FAM117A: variants seen among roughly 807,000 people sequenced by gnomAD.
FAM117A encodes the protein protein FAM117A.
Under a neutral mutation model 44.1 loss-of-function variants are expected in FAM117A, and 21 were observed. That is an observed-to-expected ratio of 0.48 (90% CI 0.34 to 0.69). The LOEUF (loss-of-function observed/expected upper bound fraction) is 0.69. Ranked by LOEUF, FAM117A falls within the 30% of genes least tolerant of loss-of-function variation. The pLI is 0.01. For synonymous variants in FAM117A, 220 were observed against 238.3 expected (o/e 0.92, Z 0.71); for missense variants, 498 against 589.9 (o/e 0.84, Z 1.61).
upstream of FAM117A, among the ~76,000 whole-genome samples, chr17:49,768,021 A>G (rs546031199): frequency 6.6e-5 from 10 of 152,292 alleles, no homozygotes; most frequent in African/African-American, 1.9e-4. Flanking sequence ...TGTTGACTGC[A>G]GCATGCTCTT....
At chr17:49,763,827 CGCGGT>C in intron 1 of FAM117A, 60 bp downstream of exon 1, 8 of 619,880 alleles carry the variant, frequency 1.3e-5, no homozygotes, top group Non-Finnish European at 1.8e-5. Flanking sequence ...GTCCCCCTCC[CGCGGT>C]CACGCGCCCC....
At chr17:49,714,406 C>T (rs1360994589) in intron 7 of FAM117A, among the ~76,000 whole-genome samples, 3 of 150,360 alleles carry the variant, frequency 2.0e-5, no homozygotes, top group Non-Finnish European at 1.5e-5. Context: ...GGTGCGATCT[C>T]AGCTCACTGC....
chr17:49,730,008 C>T (rs141319968), intron 2 of FAM117A, among the ~76,000 whole-genome samples: 22 of 152,294 alleles, frequency 1.4e-4, no homozygotes, highest in African/African-American at 5.3e-4. Flanking sequence ...GAGCCTCAGA[C>T]CTCCACAGTG....
At chr17:49,734,902 AG>A (rs769151399) in intron 1 of FAM117A, among the ~76,000 whole-genome samples, 8 of 152,248 alleles carry the variant, frequency 5.3e-5, no homozygotes, top group Admixed American at 3.3e-4. Flanking sequence ...TGCTGAGTTA[AG>A]TAAGCAAGAC....
At chr17:49,736,062 G>A (rs1028332595) in intron 1 of FAM117A, among the ~76,000 whole-genome samples, 4 of 151,920 alleles carry the variant, frequency 2.6e-5, no homozygotes, top group African/African-American at 9.7e-5. Context: ...AAACTTACAG[G>A]TCTTACCTCT....
exon 1 of FAM117A, chr17:49,788,566 C>T: frequency 2.5e-6 from 1 of 403,242 alleles, no homozygotes; most frequent in Non-Finnish European, 4.4e-6. Flanking sequence ...AAATGGCGCC[C>T]ACTAGCTTCA....
chr17:49,757,605 CCAA>C (rs917177035), intron 1 of FAM117A, among the ~76,000 whole-genome samples: 23 of 152,000 alleles, frequency 1.5e-4, no homozygotes, highest in Admixed American at 8.5e-4. Flanking sequence ...CCAGCTGTTG[CCAA>C]CAACAACGGC....
intron 2 of FAM117A, among the ~76,000 whole-genome samples, chr17:49,728,772 A>G (rs1315526405): frequency 1.3e-5 from 2 of 152,238 alleles, no homozygotes; most frequent in Admixed American, 1.3e-4. Context: ...ACACAAAGCA[A>G]TCGGTGGCCA....
At chr17:49,766,625 A>T (rs914785009), upstream of FAM117A, among the ~76,000 whole-genome samples, 2 of 152,236 alleles carry the variant, frequency 1.3e-5, no homozygotes, top group African/African-American at 4.8e-5. Context: ...GACAACTTAT[A>T]CTGTGTTAGG....
At chr17:49,712,002 C>A (rs1567824417) in intron 7 of FAM117A, among the ~76,000 whole-genome samples, 1 of 152,134 alleles carries the variant, frequency 6.6e-6, no homozygotes, top group Non-Finnish European at 1.5e-5. Flanking sequence ...AAAAATTAGC[C>A]GGGTGTGGCA....
At chr17:49,719,676 C>T in intron 5 of FAM117A, 84 bp downstream of exon 5, 3 of 1,448,250 alleles carry the variant, frequency 2.1e-6, no homozygotes, top group Non-Finnish European at 2.7e-6. Flanking sequence ...TGTGAGGCCC[C>T]AGAGAGCAGG....
chr17:49,748,520 C>T (rs1229288690), intron 1 of FAM117A, among the ~76,000 whole-genome samples: 1 of 152,160 alleles, frequency 6.6e-6, no homozygotes, highest in Admixed American at 6.5e-5. Context: ...GTGTGTATAA[C>T]TTCATCACTG....
At chr17:49,723,419 C>A (rs528217194) in intron 2 of FAM117A, among the ~76,000 whole-genome samples, 79 of 152,290 alleles carry the variant, frequency 5.2e-4, no homozygotes, top group Admixed American at 5.0e-3. Flanking sequence ...TGAGCCCCGA[C>A]CCAAGGGAGG....
intron 1 of FAM117A, among the ~76,000 whole-genome samples, chr17:49,741,165 A>G (rs1269870126): frequency 2.0e-5 from 3 of 152,232 alleles, no homozygotes; most frequent in East Asian, 3.8e-4. Flanking sequence ...GATCTTACAC[A>G]TGGCAAAAAC....
chr17:49,716,933 G>A (rs2143695692), intron 6 of FAM117A, among the ~76,000 whole-genome samples: 1 of 152,226 alleles, frequency 6.6e-6, no homozygotes, highest in Non-Finnish European at 1.5e-5. Context: ...CCTACCTCAT[G>A]GGGTTGATGT....
intron 1 of FAM117A, among the ~76,000 whole-genome samples, chr17:49,775,814 G>A (rs1381550612): frequency 6.6e-6 from 1 of 152,068 alleles, no homozygotes; most frequent in Non-Finnish European, 1.5e-5. Context: ...ACACAAGTTG[G>A]CACCTTCCCT....
At chr17:49,724,945 G>A (rs2073553269) in intron 2 of FAM117A, among the ~76,000 whole-genome samples, 1 of 151,776 alleles carries the variant, frequency 6.6e-6, no homozygotes, top group Non-Finnish European at 1.5e-5. Flanking sequence ...ACCTCTCTCC[G>A]CTCAGCAACG....
chr17:49,784,759 C>T (rs2073800521), intron 1 of FAM117A, among the ~76,000 whole-genome samples: 1 of 152,192 alleles, frequency 6.6e-6, no homozygotes, highest in Non-Finnish European at 1.5e-5. Context: ...GCTTATCTCC[C>T]TATTTTCCCA....
Position 49,722,515 on chromosome 17 carries a change from G to A in FAM117A, c.446C>T (p.Thr149Ile). 6.2e-7 allele frequency: 1 copy of A among 1,613,872 alleles called. No individual in the cohort carries two copies. Reference protein sequence around the residue: ...AHKRSASWGSTDHRKEISKLK... With the variant: ...AHKRSASWGSIDHRKEISKLK... ...GGTAGCTACCTCTTTTCGGTGGTCTGTGCTGCCCCAGGATGCTGAGCGCTT... is the reference window on the plus strand; with the variant it reads ...GGTAGCTACCTCTTTTCGGTGGTCTATGCTGCCCCAGGATGCTGAGCGCTT... Residue 149 changes from threonine (T) to isoleucine (I), a missense_variant, in exon 3 of 8, where the codon ACA becomes ATA. Around this residue, in one of 3 missense-constraint regions of FAM117A, gnomAD observed 270 missense variants for 277.4 expected, o/e 0.97. Transcript: ENST00000240364.
Sources: allele counts gnomAD v4.1 joint callset (sites outside exome capture counted in the v4.1 genomes callset), GRCh38; gene constraint gnomAD v4.1.1; regional missense constraint gnomAD v4.1.1; transcripts MANE v1.5; gene names NCBI Gene and HGNC (gene_info 2026-07-23, HGNC 2026-07-21).